The following TSGA10 variants were observed in gnomAD, a reference collection of about 807,000 sequenced individuals.
TSGA10 encodes the protein testis specific 10, also known as testis-specific gene 10 protein.
TSGA10 carries 43 observed loss-of-function variants against 96.6 expected under a neutral mutation model. That is an observed-to-expected ratio of 0.44 (90% CI 0.35 to 0.57). The LOEUF (loss-of-function observed/expected upper bound fraction) is 0.57, where lower values mean the gene tolerates loss of function less well. TSGA10 is among the 20% of genes least tolerant of loss of function. The pLI, the probability that TSGA10 is intolerant of heterozygous loss-of-function variation, is 0.01. For synonymous variants in TSGA10, 229 were observed against 269.9 expected (o/e 0.85, Z 1.48); for missense variants, 703 against 834.4 (o/e 0.84, Z 1.94).
At chr2:99,133,132 C>T (rs139757307) in intron 1 of TSGA10, among the ~76,000 whole-genome samples, 223 of 152,202 alleles carry the variant, frequency 1.5e-3, no homozygotes, top group Middle Eastern at 6.8e-3. Context: ...AAGTTCAAGT[C>T]CTGAATATCC....
In TSGA10 at chr2:99,104,134, G is replaced by T. The variant is rs1427358899; in HGVS notation, c.460-16C>A. 1.9e-6 allele frequency: 3 copies of T among 1,612,262 alleles called. No homozygotes were observed. In the African/African-American group the frequency reaches 4.0e-5, roughly 22 times the overall value. ...CATCATCAAGCTATACAAGTAGAAT[G>T]ACAAGGTTACTGCCATCACTAAAAA... On this transcript the variant is annotated splice_polypyrimidine_tract_variant and intron_variant, in intron 9 of 20. Coordinates refer to ENST00000393483, the MANE Select transcript of TSGA10 (RefSeq NM_025244.4).
chr2:99,129,340 G>A lies in TSGA10; in HGVS notation c.-620-2164C>T, dbSNP rs115718093. Among the ~76,000 whole-genome samples the A allele has an allele frequency of 6.8e-3, 1,035 of 152,286 alleles. 15 individuals carry two copies. The highest frequency in any genetic ancestry group is 0.023 in the African/African-American group (969 of 41,558). On this transcript the variant is annotated intron_variant, in intron 1 of 20. Transcript: ENST00000393483. ...CCCATTAACCTGCACAGTTATTTACGTAATAAAAAGTGTCAAAAAATTTGT... is the reference window on the plus strand; with the variant it reads ...CCCATTAACCTGCACAGTTATTTACATAATAAAAAGTGTCAAAAAATTTGT...
At chr2:99,032,413 A>G (rs183605459) in intron 17 of TSGA10, among the ~76,000 whole-genome samples, 4 of 152,358 alleles carry the variant, frequency 2.6e-5, no homozygotes, top group Admixed American at 2.6e-4. Context: ...GTTCATTGCA[A>G]CAGGTAGATT....
At chr2:99,075,816 C>T (rs531489489) in intron 12 of TSGA10, among the ~76,000 whole-genome samples, 2 of 152,006 alleles carry the variant, frequency 1.3e-5, no homozygotes, top group African/African-American at 4.8e-5. Flanking sequence ...AGATATAGCA[C>T]AAGAAAATGA....
chr2:99,020,139 C>T, intron 18 of TSGA10, 141 bp downstream of exon 18: 1 of 626,574 alleles, frequency 1.6e-6, no homozygotes, highest in Non-Finnish European at 2.8e-6. Flanking sequence ...GAAAAAGTAC[C>T]ACCTCTTAGG....
Position 98,997,325 on chromosome 2 carries a change from A to G in TSGA10, c.*872T>C. The G allele has an allele frequency of 6.6e-6, 1 of 152,078 alleles. No individual in the cohort carries two copies. 9.4% of individuals were successfully genotyped at this position (152,078 alleles called of 1,614,324 possible). A position where few individuals can be genotyped will look rare whatever the true frequency, so the allele number is the denominator to read the frequency against. On this transcript the variant is annotated 3_prime_UTR_variant, in exon 21 of 21. Transcript: ENST00000393483. Reference sequence around the variant, plus strand: ...AATACAAATAGTTTATATCAGTAAAATACAGTAGCATTCAGGCTCTAATAT... The same window carrying G: ...AATACAAATAGTTTATATCAGTAAAGTACAGTAGCATTCAGGCTCTAATAT...
At chr2:99,067,052 T>A (rs2085336533) in intron 15 of TSGA10, among the ~76,000 whole-genome samples, 1 of 152,236 alleles carries the variant, frequency 6.6e-6, no homozygotes, top group Non-Finnish European at 1.5e-5. Flanking sequence ...CTTCTGAAAA[T>A]AGGGTTCAAA....
In TSGA10 at chr2:99,108,221, A is replaced by G. The variant is rs189210304; in HGVS notation, c.210+612T>C. On this transcript the variant is annotated intron_variant, in intron 7 of 20. Coordinates refer to ENST00000393483, the MANE Select transcript of TSGA10 (RefSeq NM_025244.4). ...CTAGACTGTAAATTTATAGGAAAAC[A>G]TGGTCAGCATCTTATCATTTTTCTA... 4.6e-3 allele frequency among the ~76,000 whole-genome samples: 696 copies of G among 152,298 alleles called. 2 individuals are homozygous for G. Among genetic ancestry groups the G allele is most frequent in the South Asian group, 9.3e-3 (45 of 4,824 alleles).
chr2:99,059,049 A>T (rs1268188180), intron 16 of TSGA10, among the ~76,000 whole-genome samples: 3 of 136,392 alleles, frequency 2.2e-5, no homozygotes, highest in Non-Finnish European at 3.1e-5. Flanking sequence ...AAAAAAAAAT[A>T]ATATATATAT....
intron 20 of TSGA10, among the ~76,000 whole-genome samples, chr2:99,001,602 C>A (rs780192151): frequency 6.6e-6 from 1 of 152,170 alleles, no homozygotes; most frequent in Admixed American, 6.5e-5. Flanking sequence ...AGCTCCCCAC[C>A]AGCAACAGAA....
At chr2:99,102,369 G>A in intron 10 of TSGA10, 4 of 1,613,312 alleles carry the variant, frequency 2.5e-6, no homozygotes, top group South Asian at 1.1e-5. Context: ...CCCATCAGTT[G>A]AGCAGTTTAC....
intron 20 of TSGA10, among the ~76,000 whole-genome samples, chr2:99,017,007 T>C (rs544544452): frequency 1.2e-4 from 18 of 152,258 alleles, no homozygotes; most frequent in Admixed American, 6.5e-4. Flanking sequence ...AGCATAGATG[T>C]TGGCATAGAT....
intron 12 of TSGA10, among the ~76,000 whole-genome samples, chr2:99,075,344 G>A (rs1011460519): frequency 2.0e-5 from 3 of 152,162 alleles, no homozygotes; most frequent in African/African-American, 7.2e-5. Flanking sequence ...ACAGGATGGT[G>A]CTAAGTATAT....
chr2:99,000,145 G>A lies in TSGA10; in HGVS notation c.2073-1924C>T, dbSNP rs182390364. ...CTAGCACTTTGGGAGGCTGAGGCGA[G>A]TGGATTACCTGAGGTCAGGAGTTTG... On this transcript the variant is annotated intron_variant, in intron 20 of 20. Coordinates refer to ENST00000393483, the MANE Select transcript of TSGA10 (RefSeq NM_025244.4). 2.9e-4 allele frequency among the ~76,000 whole-genome samples: 44 copies of A among 152,326 alleles called. No homozygotes were observed. The East Asian group carries it at 8.1e-3, about 28-fold the overall frequency.
At chr2:99,111,995 T>C (rs1291603900) in intron 4 of TSGA10, among the ~76,000 whole-genome samples, 2 of 152,176 alleles carry the variant, frequency 1.3e-5, no homozygotes, top group Admixed American at 6.5e-5. Context: ...GGTATGATTA[T>C]GGTAGATGTT....
intron 1 of TSGA10, among the ~76,000 whole-genome samples, chr2:99,138,231 G>A (rs1167233027): frequency 6.6e-6 from 1 of 152,094 alleles, no homozygotes; most frequent in Non-Finnish European, 1.5e-5. Flanking sequence ...CTCACCCTCA[G>A]CTCTTTGGCT....
intron 4 of TSGA10, among the ~76,000 whole-genome samples, chr2:99,114,350 T>A (rs187314381): frequency 3.0e-4 from 45 of 152,288 alleles, no homozygotes; most frequent in African/African-American, 1.0e-3. Context: ...CAGTGTTGGT[T>A]TTGCATCTTT....
At chr2:99,016,221 C>T (rs1023597086) in intron 20 of TSGA10, among the ~76,000 whole-genome samples, 1 of 152,124 alleles carries the variant, frequency 6.6e-6, no homozygotes, top group Non-Finnish European at 1.5e-5. Context: ...AATCTGGAGG[C>T]ATCACATTAC....
intron 16 of TSGA10, among the ~76,000 whole-genome samples, chr2:99,054,678 T>C (rs2083779300): frequency 6.6e-6 from 1 of 152,108 alleles, no homozygotes; most frequent in African/African-American, 2.4e-5. Flanking sequence ...AATTTAAAAA[T>C]GGGCAAAGAG....
Sources: gnomAD v4.1 joint callset for allele counts (sites outside exome capture counted in the v4.1 genomes callset) on GRCh38, gnomAD v4.1.1 for gene constraint, MANE v1.5 for transcripts, NCBI Gene and HGNC (gene_info 2026-07-23, HGNC 2026-07-21) for gene names.